The following DPP10 variants were observed in gnomAD, a reference collection of about 807,000 sequenced individuals.
The protein encoded by DPP10 is dipeptidyl peptidase like 10, also known as inactive dipeptidyl peptidase 10.
Under a neutral mutation model 120.9 loss-of-function variants are expected in DPP10, and 33 were observed. The observed-to-expected ratio is 0.27, with a 90% CI of 0.21 to 0.37. The LOEUF (loss-of-function observed/expected upper bound fraction) is 0.37. Ranked by LOEUF, DPP10 falls within the 10% of genes least tolerant of loss-of-function variation. The pLI is 1.00. For missense variants in DPP10, 816 were observed against 942.8 expected, an observed-to-expected ratio of 0.87 and a Z score of 1.76; for synonymous variants, 337 against 326.1, an observed-to-expected ratio of 1.03 and a Z score of -0.36.
At chr2:115,800,797 TC>T (rs1292374038) in intron 19 of DPP10, among the ~76,000 whole-genome samples, 5 of 152,160 alleles carry the variant, frequency 3.3e-5, no homozygotes, top group Non-Finnish European at 7.3e-5. Flanking sequence ...GGTCTATATC[TC>T]TGTTTTGGTA....
chr2:115,308,367 A>G (rs1574371420), intron 1 of DPP10, among the ~76,000 whole-genome samples: 1 of 99,478 alleles, frequency 1.0e-5, no homozygotes, highest in Non-Finnish European at 2.0e-5. Flanking sequence ...AGAAAGGATG[A>G]AAAGCAGTTG....
rs997696331 is a variant in DPP10, at chr2:115,328,592, C to A, written c.176-15225C>A. Among the ~76,000 whole-genome samples the A allele has an allele frequency of 2.6e-5, 4 of 152,042 alleles. No individual in the cohort carries two copies. The East Asian group carries it at 7.7e-4, about 29-fold the overall frequency. ...ATCCTAAGAGATGCAAGCTAGTTTG[C>A]AGCTCATCATGTGTGTTTGTATGGG... On this transcript the variant is annotated intron_variant, in intron 2 of 25. Coordinates refer to ENST00000410059, the MANE Select transcript of DPP10 (RefSeq NM_020868.6).
chr2:115,102,212 T>G (rs1559097040), intron 1 of DPP10, among the ~76,000 whole-genome samples: 1 of 152,156 alleles, frequency 6.6e-6, no homozygotes, highest in African/African-American at 2.4e-5. Context: ...GAGAGAGTGA[T>G]AGAGAGCTCT....
rs552380267 is a variant in DPP10 at position 114,488,533 on chromosome 2, C to A, written c.60+45695C>A. 4.6e-5 allele frequency among the ~76,000 whole-genome samples: 7 copies of A among 152,238 alleles called. 1 individual carries two copies. The South Asian group carries it at 1.0e-3, about 23-fold the overall frequency. ...TCAAATGATAAATGTTGAATTAGGGCAAAAGTAAGCAGCTGTTCTAATTAC... is the reference window on the plus strand; with the variant it reads ...TCAAATGATAAATGTTGAATTAGGGAAAAAGTAAGCAGCTGTTCTAATTAC... On this transcript the variant is annotated intron_variant, in intron 1 of 25. Transcript: ENST00000410059.
At chr2:115,082,657 A>C (rs1708367485) in intron 1 of DPP10, among the ~76,000 whole-genome samples, 1 of 152,220 alleles carries the variant, frequency 6.6e-6, no homozygotes, top group African/African-American at 2.4e-5. Flanking sequence ...CTTCACATCT[A>C]ATAAATTACT....
intron 1 of DPP10, among the ~76,000 whole-genome samples, chr2:114,511,013 G>T (rs1227650164): frequency 6.6e-6 from 1 of 152,254 alleles, no homozygotes. Flanking sequence ...ATTCAGGGAT[G>T]ATGGGTATCC....
At chr2:114,934,925 G>C (rs1696344295) in intron 1 of DPP10, among the ~76,000 whole-genome samples, 1 of 152,076 alleles carries the variant, frequency 6.6e-6, no homozygotes, top group Admixed American at 6.6e-5. Context: ...TCAGTCCTAA[G>C]TAATTGGCAA....
At chr2:115,393,972 G>T (rs952873711) in intron 3 of DPP10, among the ~76,000 whole-genome samples, 1 of 152,134 alleles carries the variant, frequency 6.6e-6, no homozygotes, top group African/African-American at 2.4e-5. Context: ...ATACATTGAG[G>T]TCATTATATA....
At chr2:114,492,162 A>G (rs1241467021) in intron 1 of DPP10, among the ~76,000 whole-genome samples, 11 of 152,092 alleles carry the variant, frequency 7.2e-5, no homozygotes, top group African/African-American at 2.7e-4. Flanking sequence ...CATACTCTAA[A>G]TATTATTTTA....
At chr2:115,047,739 A>G (rs183813024) in intron 1 of DPP10, among the ~76,000 whole-genome samples, 157 of 152,242 alleles carry the variant, frequency 1.0e-3, no homozygotes, top group South Asian at 6.0e-3. Context: ...AAAATTAAAA[A>G]ACCCCAAAGT....
chr2:115,836,335 T>C, intron 22 of DPP10, 79 bp downstream of exon 22: 1 of 1,411,156 alleles, frequency 7.1e-7, no homozygotes, highest in South Asian at 1.3e-5. Flanking sequence ...ATAGCTCAAT[T>C]GAGCTCATTT....
chr2:114,673,489 A>G (rs1698480275), intron 1 of DPP10, among the ~76,000 whole-genome samples: 1 of 151,642 alleles, frequency 6.6e-6, no homozygotes, highest in African/African-American at 2.4e-5. Context: ...TTGCTCTGTC[A>G]CCTAGGCTAG....
intron 7 of DPP10, among the ~76,000 whole-genome samples, chr2:115,707,646 C>T (rs2092171575): frequency 6.6e-6 from 1 of 151,582 alleles, no homozygotes; most frequent in Admixed American, 6.6e-5. Context: ...AGACTGAACA[C>T]AACTTAAATT....
At chr2:115,334,231 T>TTTTTTTTTG (rs2062972603) in intron 2 of DPP10, among the ~76,000 whole-genome samples, 1 of 85,624 alleles carries the variant, frequency 1.2e-5, no homozygotes, top group South Asian at 3.9e-4. Flanking sequence ...GCAGACTCTG[T>TTTTTTTTTG]TTTTTTTTTT....
chr2:114,686,255 G>T (rs1699358625), intron 1 of DPP10, among the ~76,000 whole-genome samples: 1 of 151,852 alleles, frequency 6.6e-6, no homozygotes, highest in African/African-American at 2.4e-5. Flanking sequence ...ATCAATTTTT[G>T]TATCTGTTTT....
intron 13 of DPP10, 70 bp from the exon 14 acceptor site, chr2:115,777,138 G>C (rs762654281): frequency 2.9e-6 from 4 of 1,370,666 alleles, no homozygotes; most frequent in Non-Finnish European, 4.1e-6. Flanking sequence ...CAAGCAGTTG[G>C]TACATTCGTG....
intron 19 of DPP10, among the ~76,000 whole-genome samples, chr2:115,802,231 A>G (rs993839229): frequency 2.0e-5 from 3 of 152,126 alleles, no homozygotes; most frequent in Non-Finnish European, 2.9e-5. Flanking sequence ...AGAGGTGTTT[A>G]TAGTATTCTC....
At chr2:115,493,356 T>C (rs895398186) in intron 3 of DPP10, among the ~76,000 whole-genome samples, 5 of 151,846 alleles carry the variant, frequency 3.3e-5, no homozygotes, top group African/African-American at 1.2e-4. Flanking sequence ...CTATAAAAAG[T>C]TTAATTGTAG....
intron 1 of DPP10, among the ~76,000 whole-genome samples, chr2:114,772,051 G>A (rs942387957): frequency 6.6e-6 from 1 of 151,650 alleles, no homozygotes; most frequent in African/African-American, 2.4e-5. Context: ...ATTATAATGG[G>A]ATTACCCTAA....
Sources: allele counts gnomAD v4.1 joint callset (sites outside exome capture counted in the v4.1 genomes callset), GRCh38; gene constraint gnomAD v4.1.1; transcripts MANE v1.5; gene names NCBI Gene and HGNC (gene_info 2026-07-23, HGNC 2026-07-21).